Variants in BLTP3B observed in about 807,000 individuals in gnomAD.
BLTP3B encodes bridge-like lipid transfer protein family member 3B, also known as UHRF1 (ICBP90) binding protein 1-like.
chr12:100,110,210 C>A, the BLTP3B span, among the ~76,000 whole-genome samples: 1 of 152,128 alleles, frequency 6.6e-6, no homozygotes, highest in Admixed American at 6.6e-5. Flanking sequence ...TACTTGTCAA[C>A]AAGAATACCA....
the BLTP3B span, among the ~76,000 whole-genome samples, chr12:100,046,817 A>C: frequency 6.6e-6 from 1 of 152,212 alleles, no homozygotes; most frequent in Non-Finnish European, 1.5e-5. Flanking sequence ...GAGCAATTCC[A>C]ATGAGAAATA....
At chr12:100,080,009 C>T in the BLTP3B span, among the ~76,000 whole-genome samples, 1 of 152,228 alleles carries the variant, frequency 6.6e-6, no homozygotes, top group Non-Finnish European at 1.5e-5. Context: ...GAGCCTCCGC[C>T]TAGATTTCAG....
chr12:100,086,422 C>T, the BLTP3B span: 3 of 1,154,208 alleles, frequency 2.6e-6, no homozygotes, highest in Non-Finnish European at 3.6e-6. Context: ...TAATTTACCA[C>T]AGAAAAATTT....
the BLTP3B span, among the ~76,000 whole-genome samples, chr12:100,134,454 A>C: frequency 6.6e-6 from 1 of 151,986 alleles, no homozygotes; most frequent in Non-Finnish European, 1.5e-5. Context: ...AAAAATAAAA[A>C]ATGTAAAAAA....
chr12:100,048,261 T>C, the BLTP3B span: 1 of 1,478,752 alleles, frequency 6.8e-7, no homozygotes, highest in Non-Finnish European at 9.0e-7. Flanking sequence ...TTATGTGCCA[T>C]GTAGTACATT....
chr12:100,088,907 T>G, the BLTP3B span: 5 of 1,534,044 alleles, frequency 3.3e-6, no homozygotes, highest in Admixed American at 1.1e-4. Context: ...ATAAGCAAGT[T>G]ATTTTACCTT....
chr12:100,086,331 G>T, the BLTP3B span: 1 of 1,139,468 alleles, frequency 8.8e-7, no homozygotes, highest in Non-Finnish European at 1.2e-6. Context: ...GAGTTGCATT[G>T]CCCCTCCAGT....
chr12:100,094,776 C>T, the BLTP3B span, among the ~76,000 whole-genome samples: 1 of 152,164 alleles, frequency 6.6e-6, no homozygotes, highest in African/African-American at 2.4e-5. Flanking sequence ...ACAAAAATTG[C>T]TTGAACCTGG....
At chr12:100,085,213 G>A in the BLTP3B span, among the ~76,000 whole-genome samples, 1 of 152,010 alleles carries the variant, frequency 6.6e-6, no homozygotes, top group South Asian at 2.1e-4. Flanking sequence ...ACATAAAAGG[G>A]TTAAGACAAT....
the BLTP3B span, among the ~76,000 whole-genome samples, chr12:100,132,277 G>A: frequency 8.0e-4 from 122 of 152,246 alleles, no homozygotes; most frequent in African/African-American, 2.0e-3. Context: ...ATGTTTTCCC[G>A]CTAGAGTCTC....
chr12:100,077,337 G>A, the BLTP3B span, among the ~76,000 whole-genome samples: 1 of 152,212 alleles, frequency 6.6e-6, no homozygotes, highest in Non-Finnish European at 1.5e-5. Flanking sequence ...AGGAGTTTAA[G>A]TAGGCTACAT....
the BLTP3B span, chr12:100,102,736 C>T: frequency 7.9e-7 from 1 of 1,268,438 alleles, no homozygotes; most frequent in South Asian, 1.3e-5. Context: ...CTGTTATTGG[C>T]AGTCATGCAG....
the BLTP3B span, among the ~76,000 whole-genome samples, chr12:100,055,690 A>G: frequency 6.6e-6 from 1 of 151,904 alleles, no homozygotes; most frequent in African/African-American, 2.4e-5. Context: ...AAAAAAAAAA[A>G]AAAAAAGAAT....
At chr12:100,097,107 A>T in the BLTP3B span, among the ~76,000 whole-genome samples, 1 of 152,260 alleles carries the variant, frequency 6.6e-6, no homozygotes, top group African/African-American at 2.4e-5. Flanking sequence ...ATAAAAATAA[A>T]AAGAACAACA....
the BLTP3B span, among the ~76,000 whole-genome samples, chr12:100,139,993 T>C: frequency 1.3e-5 from 2 of 152,296 alleles, no homozygotes; most frequent in African/African-American, 2.4e-5. Context: ...TAGAAACTAG[T>C]ATGTTCAACT....
the BLTP3B span, among the ~76,000 whole-genome samples, chr12:100,107,193 C>T: frequency 2.1e-5 from 3 of 143,636 alleles, no homozygotes; most frequent in African/African-American, 7.8e-5. Context: ...AAGGCTGAGG[C>T]AGGAGAATTG....
the BLTP3B span, among the ~76,000 whole-genome samples, chr12:100,099,684 T>C: frequency 6.6e-6 from 1 of 150,806 alleles, no homozygotes. Context: ...GAGGCAGAGG[T>C]TGCAGTGAGC....
At chr12:100,072,729 A>T in the BLTP3B span, 1 of 1,603,588 alleles carries the variant, frequency 6.2e-7, no homozygotes, top group Non-Finnish European at 8.5e-7. Context: ...TAGACAGCTG[A>T]CATTTCTTGT....
chr12:100,104,822 C>T, the BLTP3B span, among the ~76,000 whole-genome samples: 4 of 124,362 alleles, frequency 3.2e-5, no homozygotes, highest in Admixed American at 2.1e-4. Context: ...TACAAACCAA[C>T]AAAAACCACG....
Sources: gnomAD v4.1 joint callset for allele counts (sites outside exome capture counted in the v4.1 genomes callset) on GRCh38, gnomAD v4.1.1 for gene constraint, MANE v1.5 for transcripts, NCBI Gene and HGNC (gene_info 2026-07-23, HGNC 2026-07-21) for gene names.